Variants in MALT1 observed in about 807,000 individuals in gnomAD.
The protein encoded by MALT1 is MALT1 paracaspase, also known as mucosa-associated lymphoid tissue lymphoma translocation protein 1.
In MALT1, 36 loss-of-function variants were observed where a neutral mutation model predicts 85.5. The ratio of observed to expected loss-of-function variants is 0.42; its 90% CI spans 0.32 to 0.56. The LOEUF (loss-of-function observed/expected upper bound fraction) is 0.56. Ranked by LOEUF, MALT1 falls within the 20% of genes least tolerant of loss-of-function variation. MALT1 has a pLI of 0.10. For synonymous variants in MALT1, 359 were observed against 361.3 expected (o/e 0.99, Z 0.07); for missense variants, 716 against 981.6 (o/e 0.73, Z 3.62).
At chr18:58,709,170 A>G (rs1020940992) in intron 4 of MALT1, among the ~76,000 whole-genome samples, 1 of 152,142 alleles carries the variant, frequency 6.6e-6, no homozygotes, top group Non-Finnish European at 1.5e-5. Flanking sequence ...TTAACCCAGA[A>G]TTTTCTAAGT....
At chr18:58,742,673 A>G (rs923221817) in intron 14 of MALT1, among the ~76,000 whole-genome samples, 1 of 152,218 alleles carries the variant, frequency 6.6e-6, no homozygotes, top group Non-Finnish European at 1.5e-5. Flanking sequence ...AGATTGTCCC[A>G]CTGCACTCCA....
At chr18:58,671,881 G>A in intron 1 of MALT1, 29 bp downstream of exon 1, 1 of 1,211,628 alleles carries the variant, frequency 8.3e-7, no homozygotes, top group Non-Finnish European at 1.0e-6. Flanking sequence ...CAGGCCGGGC[G>A]CGCGGGTCGA....
Position 58,671,684 on chromosome 18 carries a change from C to T in MALT1, c.41C>T (p.Ser14Leu). The T allele has an allele frequency of 8.0e-7, 1 of 1,249,392 alleles. No individual in the cohort carries two copies. Among genetic ancestry groups the T allele is most frequent in the Non-Finnish European group, 1.0e-6 (1 of 998,674 alleles). 77.4% of individuals were successfully genotyped at this position (1,249,392 alleles called of 1,614,324 possible). ...GACCCGCTACAGGCCCTGCCGCCCT[C>T]GGCCGCCCCCACGGGGCCGCTGCTC... is the stretch of plus-strand genomic sequence containing the variant. ...LGDPLQALPP[S>L]AAPTGPLLAP... Residue 14 changes from serine (S) to leucine (L), a missense_variant, in exon 1 of 17, where the codon TCG (serine) becomes TTG (leucine). Transcript: ENST00000649217.
intron 10 of MALT1, among the ~76,000 whole-genome samples, chr18:58,730,674 A>G (rs912852666): frequency 1.3e-5 from 2 of 152,148 alleles, no homozygotes; most frequent in Non-Finnish European, 2.9e-5. Flanking sequence ...GTCATATGGT[A>G]ATCTATATTT....
intron 11 of MALT1, 41 bp downstream of exon 11, chr18:58,733,615 A>ATT: frequency 7.0e-7 from 1 of 1,433,196 alleles, no homozygotes; most frequent in Non-Finnish European, 9.5e-7. Context: ...TTGGAGTTAA[A>ATT]TATCGACCAT....
At chr18:58,707,614 T>C (rs1478457551) in intron 4 of MALT1, among the ~76,000 whole-genome samples, 1 of 152,170 alleles carries the variant, frequency 6.6e-6, no homozygotes, top group Non-Finnish European at 1.5e-5. Flanking sequence ...TTCTTTCTTC[T>C]TCGTAAGTCT....
chr18:58,688,299 T>TACACACACACACACAC (rs34923643), intron 2 of MALT1, among the ~76,000 whole-genome samples: 38 of 139,666 alleles, frequency 2.7e-4, no homozygotes, highest in African/African-American at 9.6e-4. Flanking sequence ...ATATATATGT[T>TACACACACACACACAC]ACACACACAC....
intron 2 of MALT1, among the ~76,000 whole-genome samples, chr18:58,693,309 C>A (rs2054540273): frequency 6.6e-6 from 1 of 152,116 alleles, no homozygotes; most frequent in African/African-American, 2.4e-5. Context: ...GTAGTCCCAG[C>A]CACTCGGGAG....
At chr18:58,697,235 C>T (rs1380762156) in intron 3 of MALT1, 2 of 152,202 alleles carry the variant, frequency 1.3e-5, no homozygotes, top group East Asian at 3.8e-4. Context: ...TTCTTCCAAA[C>T]TTGATGTCAC....
rs1046427062 is a variant in MALT1, at chr18:58,681,959, A to C, written c.376+623A>C. Reference sequence around the variant, plus strand: ...TCAGCTGCAGATAGAGTTGGTCTACAGCAGTGGTGGAGGGCAGGAGGGACA... The same window carrying C: ...TCAGCTGCAGATAGAGTTGGTCTACCGCAGTGGTGGAGGGCAGGAGGGACA... On this transcript the variant is annotated intron_variant, in intron 2 of 16. Transcript: ENST00000649217. 9.9e-5 allele frequency among the ~76,000 whole-genome samples: 15 copies of C among 152,278 alleles called. No homozygotes were observed. The East Asian group carries it at 1.7e-3, about 18-fold the overall frequency.
Position 58,748,076 on chromosome 18 carries a change from G to GGAGGTGTGTATGTTTATATGTATATA in MALT1, c.*235_*260dup, listed in dbSNP as rs2055396413. 3.9e-6 allele frequency: 2 copies of GGAGGTGTGTATGTTTATATGTATATA among 509,438 alleles called. No homozygotes were observed. Among genetic ancestry groups the GGAGGTGTGTATGTTTATATGTATATA allele is most frequent in the African/African-American group, 3.8e-5 (2 of 52,358 alleles). 31.6% of individuals were successfully genotyped at this position (509,438 alleles called of 1,614,324 possible). Reference sequence around the variant, plus strand: ...GAATAGTTCTATACAAATGAAGTATGGAGGTGTGTATGTTTATATGTATAT... The same window carrying GGAGGTGTGTATGTTTATATGTATATA: ...GAATAGTTCTATACAAATGAAGTATGGAGGTGTGTATGTTTATATGTATATAGAGGTGTGTATGTTTATATGTATAT... On this transcript the variant is annotated 3_prime_UTR_variant, in exon 17 of 17. Coordinates refer to ENST00000649217, the MANE Select transcript of MALT1 (RefSeq NM_006785.4).
intron 2 of MALT1, among the ~76,000 whole-genome samples, chr18:58,686,324 G>C (rs966006269): frequency 1.2e-4 from 18 of 152,316 alleles, no homozygotes; most frequent in African/African-American, 4.1e-4. Context: ...ACCACACACA[G>C]CCTATTTGTT....
At position 58,723,062 on chromosome 18, in the gene MALT1, G is replaced by T. The variant is rs1481655328; in HGVS notation, c.1033G>T (p.Ala345Ser). The change falls in exon 10 of 17, where the codon GCC becomes TCC. Residue 345 changes from alanine to serine, a missense_variant. Ala to Ser is a moderately conservative substitution (Grantham distance 99). Transcript: ENST00000649217. ...TTTTTTCAAAGCGAAGGACAAGGTTGCCCTTTTGATAGGAAATATGAATTA... is the reference window on the plus strand; with the variant it reads ...TTTTTTCAAAGCGAAGGACAAGGTTTCCCTTTTGATAGGAAATATGAATTA... Reference protein sequence around the residue: ...TDQPLAKDKVALLIGNMNYRE... With the variant: ...TDQPLAKDKVSLLIGNMNYRE... 1.8e-5 allele frequency: 29 copies of T among 1,612,906 alleles called. No homozygotes were observed. The highest frequency in any genetic ancestry group is 2.3e-5 in the Non-Finnish European group (27 of 1,179,462).
At chr18:58,732,004 AAGC>A (rs1224309464) in intron 10 of MALT1, among the ~76,000 whole-genome samples, 1 of 152,202 alleles carries the variant, frequency 6.6e-6, no homozygotes, top group Non-Finnish European at 1.5e-5. Flanking sequence ...AATTCAGAAA[AAGC>A]AGACGACCTG....
rs143470981 is a variant in MALT1 at position 58,727,962 on chromosome 18, CGTGCCTGGCACATAGTAA to C, written c.1222+4717_1222+4734del. Among the ~76,000 whole-genome samples, 1,459 of 152,162 alleles carry C rather than the reference CGTGCCTGGCACATAGTAA, an allele frequency of 9.6e-3. 20 individuals are homozygous for C. The highest frequency in any genetic ancestry group is 0.033 in the African/African-American group (1,359 of 41,482). On this transcript the variant is annotated intron_variant, in intron 10 of 16. Transcript: ENST00000649217. ...TGTAACTAGTGACCTTTCTTGGAAC[CGTGCCTGGCACATAGTAA>C]GTGCCGTGTAAGCCTGCTGGGGTGG... is the stretch of plus-strand genomic sequence containing the variant.
At chr18:58,707,941 T>C (rs1357132376) in intron 4 of MALT1, among the ~76,000 whole-genome samples, 2 of 152,212 alleles carry the variant, frequency 1.3e-5, no homozygotes, top group African/African-American at 4.8e-5. Flanking sequence ...AGTGCCAAAC[T>C]GCAAGAGATC....
At chr18:58,685,919 T>C (rs2054394702) in intron 2 of MALT1, among the ~76,000 whole-genome samples, 1 of 152,214 alleles carries the variant, frequency 6.6e-6, no homozygotes, top group South Asian at 2.1e-4. Flanking sequence ...AATGATTTTT[T>C]TTTTTAGATC....
At chr18:58,691,205 T>C (rs2093826196) in intron 2 of MALT1, 1 of 304,252 alleles carries the variant, frequency 3.3e-6, no homozygotes, top group South Asian at 2.7e-5. Flanking sequence ...AGGAATGCAA[T>C]GTTTCTGATG....
chr18:58,723,978 C>T (rs1053444898), intron 10 of MALT1, among the ~76,000 whole-genome samples: 1 of 152,116 alleles, frequency 6.6e-6, no homozygotes, highest in African/African-American at 2.4e-5. Flanking sequence ...TCATCTGAAC[C>T]GTGTTTTGCA....
Sources: gnomAD v4.1 joint callset for allele counts (sites outside exome capture counted in the v4.1 genomes callset) on GRCh38, gnomAD v4.1.1 for gene constraint, MANE v1.5 for transcripts, NCBI Gene and HGNC (gene_info 2026-07-23, HGNC 2026-07-21) for gene names.